Variants in SULF1 observed in about 807,000 individuals in gnomAD.
SULF1 encodes the protein sulfatase 1.
Under a neutral mutation model 110.5 loss-of-function variants are expected in SULF1, and 46 were observed. The ratio of observed to expected loss-of-function variants is 0.42; its 90% CI spans 0.33 to 0.53. The LOEUF is 0.53. Among genes scored for constraint, SULF1 ranks in the 20% least tolerant of loss-of-function variants. SULF1 has a pLI of 0.12. For missense variants in SULF1, 941 were observed against 1,094.2 expected, an observed-to-expected ratio of 0.86 and a Z score of 1.98; for synonymous variants, 371 against 387.1, an observed-to-expected ratio of 0.96 and a Z score of 0.49.
At chr8:69,589,201 C>G (rs1286885706) in intron 8 of SULF1, 60 bp downstream of exon 8, 12 of 1,503,540 alleles carry the variant, frequency 8.0e-6, no homozygotes, top group Non-Finnish European at 4.5e-6. Flanking sequence ...TCTCCTCATC[C>G]CACTCCTCTC....
intron 22 of SULF1, 193 bp downstream of exon 22, chr8:69,641,034 T>A: frequency 2.1e-6 from 1 of 466,962 alleles, no homozygotes; most frequent in Non-Finnish European, 3.8e-6. Flanking sequence ...ATCAGCTCAC[T>A]GTCCCATCAA....
At chr8:69,584,627 C>T (rs1310452655) in intron 6 of SULF1, 1 of 152,144 alleles carries the variant, frequency 6.6e-6, no homozygotes, top group Non-Finnish European at 1.5e-5. Flanking sequence ...CTTAGCTTAG[C>T]CCAGTCTAAC....
chr8:69,527,481 G>C lies in SULF1; in HGVS notation c.-134+25513G>C, dbSNP rs183727026. On this transcript the variant is annotated intron_variant, in intron 3 of 22. Transcript: ENST00000402687. The stretch of plus-strand genomic sequence containing the variant: ...AAAGGGCTCTGCAGAGAGGACGAAA[G>C]ACTTCATTCCAGATGCTCAAAGACA... Among the ~76,000 whole-genome samples, 200 of 152,190 alleles carry C rather than the reference G, an allele frequency of 1.3e-3. 1 individual carries two copies. Among genetic ancestry groups the C allele is most frequent in the Non-Finnish European group, 2.3e-3 (157 of 68,008 alleles).
chr8:69,610,748 C>G (rs979203053), intron 13 of SULF1, among the ~76,000 whole-genome samples: 2 of 152,178 alleles, frequency 1.3e-5, no homozygotes, highest in Non-Finnish European at 2.9e-5. Flanking sequence ...TAATACAGCC[C>G]CATTCTGCTT....
intron 3 of SULF1, among the ~76,000 whole-genome samples, chr8:69,562,455 G>C (rs538887179): frequency 1.3e-5 from 2 of 152,158 alleles, no homozygotes; most frequent in Non-Finnish European, 2.9e-5. Flanking sequence ...CAGGTGTATG[G>C]GGACTGAGTG....
chr8:69,504,406 T>G (rs1413390975), intron 3 of SULF1, among the ~76,000 whole-genome samples: 1 of 151,840 alleles, frequency 6.6e-6, no homozygotes, highest in African/African-American at 2.4e-5. Flanking sequence ...ATACAAAAAA[T>G]TAGCCGGGCG....
intron 2 of SULF1, among the ~76,000 whole-genome samples, chr8:69,498,376 A>G (rs1278013554): frequency 1.3e-5 from 2 of 152,192 alleles, no homozygotes; most frequent in African/African-American, 2.4e-5. Context: ...AACTTGAATA[A>G]ACTCTAAAAC....
At chr8:69,514,149 G>A (rs1442930346) in intron 3 of SULF1, among the ~76,000 whole-genome samples, 5 of 152,158 alleles carry the variant, frequency 3.3e-5, no homozygotes, top group Admixed American at 3.3e-4. Flanking sequence ...GTATCACCTT[G>A]TATTAGTCCA....
rs1814256581 is a variant in SULF1 at position 69,546,331 on chromosome 8, T to G, written c.-133-17208T>G. On this transcript the variant is annotated intron_variant, in intron 3 of 22. Transcript: ENST00000402687. ...ACAAAATAAAGTTGTGCCTTATCAT[T>G]ATTGTATGGAAAACTATTTTGTCCT... Among the ~76,000 whole-genome samples the G allele has an allele frequency of 1.3e-5, 2 of 152,212 alleles. 1 individual carries two copies. The highest frequency in any genetic ancestry group is 2.9e-5 in the Non-Finnish European group (2 of 68,044).
intron 3 of SULF1, among the ~76,000 whole-genome samples, chr8:69,529,756 G>T (rs1812955821): frequency 6.6e-6 from 1 of 152,158 alleles, no homozygotes; most frequent in Non-Finnish European, 1.5e-5. Context: ...CTCTCCATGG[G>T]GCTGCTTGAG....
Position 69,553,699 on chromosome 8 carries a change from T to C in SULF1, c.-133-9840T>C, listed in dbSNP as rs186300894. On this transcript the variant is annotated intron_variant, in intron 3 of 22. Transcript: ENST00000402687. ...CTGTGTTTGGCTAATCCACCCATCA[T>C]TGAAAACTGTTTTAGTTTCCCCTCA... 2.6e-5 allele frequency among the ~76,000 whole-genome samples: 4 copies of C among 152,338 alleles called. No homozygotes were observed. The East Asian group carries it at 7.7e-4, about 29-fold the overall frequency.
chr8:69,536,611 G>T (rs1414990746), intron 3 of SULF1, among the ~76,000 whole-genome samples: 1 of 152,174 alleles, frequency 6.6e-6, no homozygotes, highest in Non-Finnish European at 1.5e-5. Flanking sequence ...AAAGTGGGCT[G>T]CATTTTAAAA....
intron 2 of SULF1, among the ~76,000 whole-genome samples, chr8:69,497,827 A>G (rs1810474688): frequency 6.6e-6 from 1 of 152,202 alleles, no homozygotes. Flanking sequence ...TGCTAACTGC[A>G]GTAACACACT....
chr8:69,608,057 G>C (rs1200262892), intron 13 of SULF1, among the ~76,000 whole-genome samples: 2 of 152,164 alleles, frequency 1.3e-5, no homozygotes, highest in African/African-American at 4.8e-5. Flanking sequence ...TTTGTGCCAG[G>C]TCACCTAAAG....
At chr8:69,544,793 A>T (rs1363619750) in intron 3 of SULF1, among the ~76,000 whole-genome samples, 3 of 152,218 alleles carry the variant, frequency 2.0e-5, no homozygotes, top group African/African-American at 7.2e-5. Flanking sequence ...TTTTAGTATC[A>T]TCTTTGTATC....
intron 15 of SULF1, among the ~76,000 whole-genome samples, chr8:69,625,034 A>C (rs1274168743): frequency 2.0e-5 from 3 of 152,192 alleles, no homozygotes; most frequent in African/African-American, 7.2e-5. Flanking sequence ...TTAGACCAGA[A>C]TGCATTTCTC....
At position 69,570,566 on chromosome 8, in the gene SULF1, T is replaced by A. The variant is rs79159038; in HGVS notation, c.173-5404T>A. Among the ~76,000 whole-genome samples, 1,153 of 152,310 alleles carry A rather than the reference T, an allele frequency of 7.6e-3. 12 individuals are homozygous for A. The highest frequency in any genetic ancestry group is 0.025 in the African/African-American group (1,043 of 41,556). On this transcript the variant is annotated intron_variant, in intron 5 of 22. Transcript: ENST00000402687. ...GATTTTTGTATGAAATCATTCTGTA[T>A]GAAATGATTTTGGGAATCAAGTAGT...
intron 3 of SULF1, among the ~76,000 whole-genome samples, chr8:69,554,639 C>T (rs1201186912): frequency 6.6e-6 from 1 of 151,398 alleles, no homozygotes; most frequent in Non-Finnish European, 1.5e-5. Context: ...CCTGTTGTAT[C>T]TCTTGAGTTG....
At chr8:69,519,255 G>C (rs910737217) in intron 3 of SULF1, among the ~76,000 whole-genome samples, 1 of 152,108 alleles carries the variant, frequency 6.6e-6, no homozygotes, top group Non-Finnish European at 1.5e-5. Context: ...CAGTGACAGG[G>C]ACTCATTCAT....
Sources: gnomAD v4.1 joint callset for allele counts (sites outside exome capture counted in the v4.1 genomes callset) on GRCh38, gnomAD v4.1.1 for gene constraint, MANE v1.5 for transcripts, NCBI Gene and HGNC (gene_info 2026-07-23, HGNC 2026-07-21) for gene names.